The following RHBDL2 variants were observed in gnomAD, a reference collection of about 807,000 sequenced individuals.
RHBDL2 encodes the protein rhomboid like 2.
RHBDL2 carries 26 observed loss-of-function variants against 31.7 expected under a neutral mutation model. The ratio of observed to expected loss-of-function variants is 0.82; its 90% CI spans 0.60 to 1.14. RHBDL2 has a LOEUF of 1.14. Ranked by LOEUF, RHBDL2 falls within the 50% of genes most tolerant of loss-of-function variation. RHBDL2 has a pLI of 0.00. For synonymous variants in RHBDL2, 123 were observed against 127.2 expected, an observed-to-expected ratio of 0.97 and a Z score of 0.22; for missense variants, 336 against 364.4, an observed-to-expected ratio of 0.92 and a Z score of 0.63.
intron 5 of RHBDL2, 149 bp from the exon 6 acceptor site, chr1:38,893,373 T>A: frequency 1.9e-6 from 1 of 513,352 alleles, no homozygotes. Flanking sequence ...GCCGAGTTTT[T>A]AAATGTATTT....
At chr1:38,911,639 TGTGTGTGC>T (rs1202375985) in intron 3 of RHBDL2, among the ~76,000 whole-genome samples, 3,153 of 41,632 alleles carry the variant, frequency 0.076, 52 homozygotes, top group Non-Finnish European at 0.13. Flanking sequence ...TGTGTGTGTG[TGTGTGTGC>T]GCGCGCGCGC....
chr1:38,890,995 T>A (rs1642846205), intron 6 of RHBDL2, among the ~76,000 whole-genome samples: 1 of 152,100 alleles, frequency 6.6e-6, no homozygotes, highest in South Asian at 2.1e-4. Context: ...TTGGCTGGGC[T>A]CAGTGGCTCA....
intron 4 of RHBDL2, among the ~76,000 whole-genome samples, chr1:38,901,665 G>A (rs1364471069): frequency 1.3e-5 from 2 of 151,234 alleles, no homozygotes; most frequent in African/African-American, 2.4e-5. Context: ...GTGAAACCCC[G>A]TCTCTACTAA....
At chr1:38,941,306 G>C (rs1422489727) in intron 1 of RHBDL2, among the ~76,000 whole-genome samples, 1 of 152,160 alleles carries the variant, frequency 6.6e-6, no homozygotes, top group Non-Finnish European at 1.5e-5. Context: ...GCTAGGAACT[G>C]GCTTAGTTGG....
At chr1:38,898,958 A>G (rs1200329422) in intron 4 of RHBDL2, among the ~76,000 whole-genome samples, 1 of 152,168 alleles carries the variant, frequency 6.6e-6, no homozygotes, top group Non-Finnish European at 1.5e-5. Flanking sequence ...TTACATCTCA[A>G]TCTTAAAATA....
intron 3 of RHBDL2, among the ~76,000 whole-genome samples, chr1:38,914,294 T>G (rs1275505996): frequency 1.3e-5 from 2 of 151,812 alleles, no homozygotes; most frequent in African/African-American, 4.8e-5. Flanking sequence ...TACTCTAGAA[T>G]GCAGTGGCGC....
intron 1 of RHBDL2, among the ~76,000 whole-genome samples, chr1:38,937,576 G>T (rs1208384056): frequency 1.3e-5 from 2 of 152,048 alleles, no homozygotes; most frequent in Admixed American, 1.3e-4. Flanking sequence ...CTGTGCCCCC[G>T]CATCCCCAGT....
chr1:38,899,691 C>G (rs1382034662), intron 4 of RHBDL2, among the ~76,000 whole-genome samples: 1 of 152,230 alleles, frequency 6.6e-6, no homozygotes, highest in Non-Finnish European at 1.5e-5. Flanking sequence ...GAAAAGTGAG[C>G]TTTGTCCTGG....
At chr1:38,925,767 T>C (rs1643368380) in intron 1 of RHBDL2, among the ~76,000 whole-genome samples, 1 of 152,212 alleles carries the variant, frequency 6.6e-6, no homozygotes, top group Admixed American at 6.5e-5. Context: ...GATTATTTAT[T>C]TTATGAATCT....
At chr1:38,904,764 G>T (rs1352408662) in intron 4 of RHBDL2, among the ~76,000 whole-genome samples, 1 of 150,068 alleles carries the variant, frequency 6.7e-6, no homozygotes, top group Non-Finnish European at 1.5e-5. Context: ...GGGCGCGGTG[G>T]CTCACGCCTG....
intron 6 of RHBDL2, among the ~76,000 whole-genome samples, chr1:38,891,436 C>A (rs1196776922): frequency 1.3e-5 from 2 of 151,986 alleles, no homozygotes; most frequent in Non-Finnish European, 2.9e-5. Flanking sequence ...GTAAACCAGG[C>A]CAAAGAACTT....
chr1:38,906,987 C>A (rs1643074764), intron 4 of RHBDL2, among the ~76,000 whole-genome samples: 3 of 152,124 alleles, frequency 2.0e-5, no homozygotes, highest in African/African-American at 7.2e-5. Flanking sequence ...TGGGAGGAAT[C>A]ATTCTGATTT....
intron 4 of RHBDL2, among the ~76,000 whole-genome samples, chr1:38,896,321 T>C (rs1471381143): frequency 2.0e-5 from 3 of 152,208 alleles, no homozygotes; most frequent in Non-Finnish European, 4.4e-5. Context: ...GAGCCAGAAT[T>C]ACCAGCAGTG....
At chr1:38,914,109 C>CT (rs1206373700) in intron 3 of RHBDL2, among the ~76,000 whole-genome samples, 1 of 150,458 alleles carries the variant, frequency 6.6e-6, no homozygotes, top group African/African-American at 2.4e-5. Context: ...GAGCTAGACT[C>CT]TATCTCAAAA....
At chr1:38,898,215 G>A (rs528965522) in intron 4 of RHBDL2, among the ~76,000 whole-genome samples, 2 of 152,016 alleles carry the variant, frequency 1.3e-5, no homozygotes, top group Non-Finnish European at 2.9e-5. Context: ...GAGGCACGAG[G>A]ATCACTTGAA....
At chr1:38,886,770 T>C in intron 7 of RHBDL2, 87 bp from the exon 8 acceptor site, 1 of 1,095,102 alleles carries the variant, frequency 9.1e-7, no homozygotes, top group Non-Finnish European at 1.3e-6. Flanking sequence ...CAAACACAAA[T>C]ACCGTCACAG....
chr1:38,928,333 G>A (rs749905479), intron 1 of RHBDL2, among the ~76,000 whole-genome samples: 2 of 151,784 alleles, frequency 1.3e-5, no homozygotes, highest in Non-Finnish European at 2.9e-5. Context: ...TAGTAGAGAC[G>A]GGGTTTCACC....
chr1:38,902,451 G>A (rs1039745526), intron 4 of RHBDL2, among the ~76,000 whole-genome samples: 25 of 141,344 alleles, frequency 1.8e-4, no homozygotes, highest in South Asian at 6.6e-4. Context: ...ATGGAGTCTC[G>A]CTTTGTCACC....
chr1:38,939,505 TACA>T (rs752691560), intron 1 of RHBDL2, among the ~76,000 whole-genome samples: 3 of 152,042 alleles, frequency 2.0e-5, no homozygotes, highest in Non-Finnish European at 2.9e-5. Flanking sequence ...CTACCAAAAA[TACA>T]ACAACAACAA....
Sources: gnomAD v4.1 joint callset for allele counts (sites outside exome capture counted in the v4.1 genomes callset) on GRCh38, gnomAD v4.1.1 for gene constraint, MANE v1.5 for transcripts, NCBI Gene and HGNC (gene_info 2026-07-23, HGNC 2026-07-21) for gene names.